The following GTPBP10 variants were observed in gnomAD, a reference collection of about 807,000 sequenced individuals.
GTPBP10 encodes the protein GTP-binding protein 10.
In GTPBP10, 38 loss-of-function variants were observed where a neutral mutation model predicts 44.8. The observed-to-expected ratio is 0.85, with a 90% CI of 0.65 to 1.11. The LOEUF (loss-of-function observed/expected upper bound fraction) is 1.11, where lower values mean the gene tolerates loss of function less well. Among genes scored for constraint, GTPBP10 ranks in the 50% most tolerant of loss-of-function variants. GTPBP10 has a pLI of 0.00. For missense variants in GTPBP10, 462 were observed against 453.7 expected, an observed-to-expected ratio of 1.02 and a Z score of -0.17; for synonymous variants, 152 against 150.6, an observed-to-expected ratio of 1.01 and a Z score of -0.07.
At chr7:90,378,072 A>T in intron 7 of GTPBP10, 62 bp from the exon 8 acceptor site, 1 of 1,518,366 alleles carries the variant, frequency 6.6e-7, no homozygotes, top group Non-Finnish European at 9.0e-7. Context: ...ATTTTAAAAC[A>T]TAGAAATGTA....
At chr7:90,369,623 G>C (rs1796216238) in intron 4 of GTPBP10, among the ~76,000 whole-genome samples, 1 of 152,230 alleles carries the variant, frequency 6.6e-6, no homozygotes, top group African/African-American at 2.4e-5. Context: ...GACCTGCTCA[G>C]CCAGGCACGG....
intron 4 of GTPBP10, among the ~76,000 whole-genome samples, chr7:90,358,634 A>C (rs1464362259): frequency 2.0e-5 from 3 of 152,224 alleles, no homozygotes; most frequent in African/African-American, 7.2e-5. Context: ...TAAAGATTTT[A>C]ATCTAAGACC....
intron 2 of GTPBP10, 142 bp from the exon 3 acceptor site, chr7:90,354,315 TA>T: frequency 2.5e-6 from 1 of 401,938 alleles, no homozygotes. Flanking sequence ...TTAGTTTTTT[TA>T]AACCCCGTGT....
intron 4 of GTPBP10, among the ~76,000 whole-genome samples, chr7:90,361,642 C>G (rs987020877): frequency 1.3e-5 from 2 of 152,204 alleles, no homozygotes; most frequent in African/African-American, 4.8e-5. Context: ...ATGCTGGCCT[C>G]ATAAAATGAG....
Position 90,372,161 on chromosome 7 carries a change from A to G in GTPBP10, c.471A>G (p.Pro157=). ...LIADVGLVGF[P]NAGKSSLLSC... is the part of the protein sequence containing the mutation. The stretch of plus-strand genomic sequence containing the variant: ...TTTTATATTCTTGTTTCAGATTCCC[A>G]AATGCTGGAAAATCCTCTTTGCTAA... Residue 157 remains proline, a synonymous_variant, in exon 5 of 10, where the codon CCA becomes CCG. Transcript: ENST00000222511. 6.3e-7 allele frequency: 1 copy of G among 1,598,746 alleles called. No individual in the cohort carries two copies. Among genetic ancestry groups the G allele is most frequent in the Non-Finnish European group, 8.6e-7 (1 of 1,169,358 alleles).
intron 4 of GTPBP10, among the ~76,000 whole-genome samples, chr7:90,357,340 T>C (rs1795923483): frequency 1.3e-5 from 2 of 152,164 alleles, no homozygotes; most frequent in Admixed American, 6.6e-5. Flanking sequence ...GTCCAGCTAG[T>C]GATAATTATG....
Position 90,353,328 on chromosome 7 carries a change from C to G in GTPBP10, c.227+319C>G, listed in dbSNP as rs117568788. On this transcript the variant is annotated intron_variant, in intron 2 of 9. Transcript: ENST00000222511. ...CTTTGACAACCTTTTAGAAAACTTT[C>G]AGTCTTAACCATGCTACTCTACCCC... 31 of 192,832 alleles carry G rather than the reference C, an allele frequency of 1.6e-4. No individual in the cohort carries two copies. The East Asian group carries it at 4.0e-3, about 25-fold the overall frequency. 11.9% of individuals were successfully genotyped at this position (192,832 alleles called of 1,614,324 possible). A position where few individuals can be genotyped will look rare whatever the true frequency, so the allele number is the denominator to read the frequency against.
Position 90,355,201 on chromosome 7 carries a change from A to C in GTPBP10, c.435A>C (p.Leu145=), listed in dbSNP as rs112502888. Residue 145 remains leucine, a synonymous_variant, in exon 4 of 10, where the codon CTA becomes CTC. Transcript: ENST00000222511. ...KGQKRIIHLD[L]KLIADVGLVG... ...AGAAACGAATAATTCACCTTGATCT[A>C]AAACTTATAGCTGATGTAGGCCTAG... The C allele has an allele frequency of 3.1e-3, 5,032 of 1,601,258 alleles. 110 individuals carry two copies. In the African/African-American group the frequency reaches 0.052, roughly 17 times the overall value.
At chr7:90,347,410 A>C (rs1795698894) in intron 1 of GTPBP10, 1 of 155,206 alleles carries the variant, frequency 6.4e-6, no homozygotes, top group African/African-American at 2.4e-5. Context: ...GAATCTGATT[A>C]ATCTAGAGCA....
At chr7:90,369,631 C>T (rs1796216717) in intron 4 of GTPBP10, among the ~76,000 whole-genome samples, 1 of 152,192 alleles carries the variant, frequency 6.6e-6, no homozygotes, top group Non-Finnish European at 1.5e-5. Context: ...CAGCCAGGCA[C>T]GGGAGGATAT....
intron 1 of GTPBP10, among the ~76,000 whole-genome samples, chr7:90,347,109 T>C (rs1347271810): frequency 6.6e-6 from 1 of 152,156 alleles, no homozygotes; most frequent in Non-Finnish European, 1.5e-5. Context: ...AGCCTGTTTT[T>C]ATATATTTCT....
At chr7:90,377,980 C>T in intron 7 of GTPBP10, 154 bp from the exon 8 acceptor site, 1 of 666,028 alleles carries the variant, frequency 1.5e-6, no homozygotes, top group African/African-American at 1.9e-5. Flanking sequence ...TATCTTAACA[C>T]CTCGATTTCT....
Position 90,377,552 on chromosome 7 carries a change from A to G in GTPBP10, c.637A>G (p.Asn213Asp), listed in dbSNP as rs1796361704. The change falls in exon 7 of 10, where the codon AAC (asparagine) becomes GAC (aspartate). Residue 213 changes from asparagine (N) to aspartate (D), a missense_variant. Physicochemically the swap from Asn to Asp is conservative, Grantham distance 23 (BLOSUM62 1). Coordinates refer to ENST00000222511, the MANE Select transcript of GTPBP10 (RefSeq NM_033107.4). ...LPGLIEGAHMNKGMGHKFLKH... is the reference protein window; with the variant it reads ...LPGLIEGAHMDKGMGHKFLKH... ...GGGTTTAATAGAAGGAGCACATATG[A>G]ACAAAGGAATGGGCCACAAATTCCT... 2 of 1,611,574 alleles carry G rather than the reference A, an allele frequency of 1.2e-6. No individual in the cohort carries two copies. Among genetic ancestry groups the G allele is most frequent in the Non-Finnish European group, 1.7e-6 (2 of 1,178,686 alleles).
intron 6 of GTPBP10, 61 bp from the exon 7 acceptor site, chr7:90,377,446 T>C: frequency 1.9e-6 from 2 of 1,077,486 alleles, no homozygotes; most frequent in East Asian, 2.4e-5. Flanking sequence ...TTTTGGGATG[T>C]AATTGAACTT....
At position 90,386,574 on chromosome 7, in the gene GTPBP10, C is replaced by T. The variant is rs988515807; in HGVS notation, c.*1420C>T. 14 of 151,966 alleles carry T rather than the reference C, an allele frequency of 9.2e-5. No homozygotes were observed. Among genetic ancestry groups the T allele is most frequent in the African/African-American group, 2.7e-4 (11 of 41,392 alleles). The allele number at this position is 151,966 out of a possible 1,614,324, so 9.4% of individuals were successfully genotyped here. On this transcript the variant is annotated 3_prime_UTR_variant, in exon 10 of 10. Transcript: ENST00000222511. ...GCCAGGCATGGTGGTGCAGGCCAGA[C>T]ATAGCGGTACATGCCTGTAATCCTA...
rs774698505 is a variant in GTPBP10 at position 90,374,362 on chromosome 7, T to C, written c.591+8T>C. The C allele has an allele frequency of 6.4e-7, 1 of 1,557,586 alleles. No individual in the cohort carries two copies. The highest frequency in any genetic ancestry group is 1.1e-5 in the South Asian group (1 of 89,490). ...TACAGTGATTTCAAACAGGTAGGTA[T>C]TTTTAAAGTAAAACACTATATTAGA... On this transcript the variant is annotated splice_region_variant and intron_variant, in intron 6 of 9. Transcript: ENST00000222511.
At chr7:90,346,816 A>G (rs1224729516) in intron 1 of GTPBP10, 42 bp downstream of exon 1, 1 of 1,596,644 alleles carries the variant, frequency 6.3e-7, no homozygotes, top group South Asian at 1.1e-5. Context: ...TAGCGCTGAC[A>G]GCTCTGGTTC....
intron 2 of GTPBP10, among the ~76,000 whole-genome samples, chr7:90,354,215 G>A (rs1471258641): frequency 2.0e-5 from 3 of 151,960 alleles, no homozygotes; most frequent in Non-Finnish European, 2.9e-5. Context: ...AATGACCTTT[G>A]GTGGTTAGCT....
chr7:90,361,999 C>T lies in GTPBP10; in HGVS notation c.464+6769C>T, dbSNP rs1008524058. Among the ~76,000 whole-genome samples, 38 of 152,062 alleles carry T rather than the reference C, an allele frequency of 2.5e-4. 1 individual carries two copies. Among genetic ancestry groups the T allele is most frequent in the African/African-American group, 7.5e-4 (31 of 41,472 alleles). On this transcript the variant is annotated intron_variant, in intron 4 of 9. Transcript: ENST00000222511. ...ATATCCCCTTTATAACTTTTTATTG[C>T]GTCTATTTGATTCTTCTCTCTTTTC...
Sources: gnomAD v4.1 joint callset for allele counts (sites outside exome capture counted in the v4.1 genomes callset) on GRCh38, gnomAD v4.1.1 for gene constraint, MANE v1.5 for transcripts, NCBI Gene and HGNC (gene_info 2026-07-23, HGNC 2026-07-21) for gene names.